RAB38: variants seen among roughly 807,000 people sequenced by gnomAD.
The protein encoded by RAB38 is RAB38, member RAS oncogene family, also known as ras-related protein Rab-38.
RAB38 carries 15 observed loss-of-function variants against 18.4 expected under a neutral mutation model. That is an observed-to-expected ratio of 0.82 (90% CI 0.55 to 1.26). The LOEUF (loss-of-function observed/expected upper bound fraction) is 1.26, where lower values mean the gene tolerates loss of function less well. Among genes scored for constraint, RAB38 ranks in the 50% most tolerant of loss-of-function variants. RAB38 has a pLI of 0.00. For missense variants in RAB38, 294 were observed against 267.4 expected (o/e 1.10, Z -0.69); for synonymous variants, 101 against 104.4 (o/e 0.97, Z 0.20).
chr11:88,170,605 C>G (rs1416776434), intron 1 of RAB38, among the ~76,000 whole-genome samples: 1 of 152,164 alleles, frequency 6.6e-6, no homozygotes, highest in Non-Finnish European at 1.5e-5. Context: ...GCCTGGGCTG[C>G]CTTCATCCTG....
the RAB38 span, among the ~76,000 whole-genome samples, chr11:87,952,652 A>T: frequency 6.6e-6 from 1 of 152,196 alleles, no homozygotes. Flanking sequence ...AGGGTTCAGT[A>T]CTATGCATGG....
chr11:87,864,416 TAGC>T, the RAB38 span, among the ~76,000 whole-genome samples: 1 of 151,430 alleles, frequency 6.6e-6, no homozygotes, highest in Non-Finnish European at 1.5e-5. Context: ...CTAATATTAT[TAGC>T]AGTAGTAGTA....
the RAB38 span, among the ~76,000 whole-genome samples, chr11:87,966,028 A>G: frequency 6.6e-6 from 1 of 152,150 alleles, no homozygotes; most frequent in Non-Finnish European, 1.5e-5. Flanking sequence ...ATGGATAGAC[A>G]TCAAGCCCAG....
the RAB38 span, among the ~76,000 whole-genome samples, chr11:87,902,647 A>C: frequency 6.6e-6 from 1 of 151,456 alleles, no homozygotes; most frequent in African/African-American, 2.4e-5. Context: ...CTAAATTATG[A>C]ATGCAGCGTA....
chr11:87,966,709 A>T, the RAB38 span, among the ~76,000 whole-genome samples: 1 of 152,052 alleles, frequency 6.6e-6, no homozygotes, highest in Non-Finnish European at 1.5e-5. Flanking sequence ...CCTTTTCTCC[A>T]TTTTTCCTCC....
At chr11:87,838,528 T>C in the RAB38 span, among the ~76,000 whole-genome samples, 1 of 152,198 alleles carries the variant, frequency 6.6e-6, no homozygotes, top group Non-Finnish European at 1.5e-5. Context: ...TGAGGTGGTT[T>C]TGTGAGATCT....
At chr11:87,961,657 G>A in the RAB38 span, among the ~76,000 whole-genome samples, 2 of 152,104 alleles carry the variant, frequency 1.3e-5, no homozygotes, top group Non-Finnish European at 2.9e-5. Flanking sequence ...AAGAGGAATG[G>A]TTCTGTACCC....
At chr11:88,118,061 T>C (rs1186050023) in intron 2 of RAB38, among the ~76,000 whole-genome samples, 1 of 152,130 alleles carries the variant, frequency 6.6e-6, no homozygotes, top group Non-Finnish European at 1.5e-5. Flanking sequence ...TAAATACTAA[T>C]ATTTACCACA....
At chr11:87,941,426 G>A in the RAB38 span, among the ~76,000 whole-genome samples, 1 of 151,188 alleles carries the variant, frequency 6.6e-6, no homozygotes, top group Non-Finnish European at 1.5e-5. Flanking sequence ...AGGAAATGTT[G>A]AGTTGAGTTT....
the RAB38 span, among the ~76,000 whole-genome samples, chr11:87,850,054 A>G: frequency 6.6e-6 from 1 of 152,130 alleles, no homozygotes. Flanking sequence ...CACTATAAGT[A>G]CACATACTCT....
At chr11:87,865,118 G>A in the RAB38 span, among the ~76,000 whole-genome samples, 1 of 151,684 alleles carries the variant, frequency 6.6e-6, no homozygotes, top group African/African-American at 2.4e-5. Context: ...GGGAAGGATG[G>A]AGGAAATGGG....
At chr11:87,956,297 T>A in the RAB38 span, among the ~76,000 whole-genome samples, 2 of 152,216 alleles carry the variant, frequency 1.3e-5, no homozygotes, top group Non-Finnish European at 2.9e-5. Flanking sequence ...TTGTAGCTAT[T>A]GTTCTTATTA....
At chr11:88,018,280 A>G in the RAB38 span, among the ~76,000 whole-genome samples, 1 of 152,114 alleles carries the variant, frequency 6.6e-6, no homozygotes, top group Non-Finnish European at 1.5e-5. Context: ...GTCAACTCTT[A>G]AATTTAGTAC....
chr11:88,139,524 C>T (rs577476328), intron 2 of RAB38, among the ~76,000 whole-genome samples: 1 of 152,158 alleles, frequency 6.6e-6, no homozygotes, highest in South Asian at 2.1e-4. Context: ...GAAACTGTGC[C>T]CTCTATTATC....
At chr11:87,839,523 CTTCT>C in the RAB38 span, among the ~76,000 whole-genome samples, 7 of 152,284 alleles carry the variant, frequency 4.6e-5, no homozygotes, top group East Asian at 1.4e-3. Context: ...TCAAGCTGTG[CTTCT>C]TTAATTACAG....
the RAB38 span, among the ~76,000 whole-genome samples, chr11:87,861,477 C>T: frequency 0.068 from 10,313 of 151,906 alleles, 473 homozygotes; most frequent in Middle Eastern, 0.11. Flanking sequence ...AAAGCAATGG[C>T]TACCAACAGG....
chr11:88,026,126 G>C, the RAB38 span, among the ~76,000 whole-genome samples: 2 of 151,728 alleles, frequency 1.3e-5, no homozygotes, highest in Non-Finnish European at 1.5e-5. Flanking sequence ...CACCACGTCT[G>C]GCTAATTTTT....
intron 2 of RAB38, among the ~76,000 whole-genome samples, chr11:88,128,048 A>G (rs1942725099): frequency 6.6e-6 from 1 of 152,218 alleles, no homozygotes; most frequent in African/African-American, 2.4e-5. Context: ...TTCAAATTTA[A>G]AAAGCACAAA....
the RAB38 span, among the ~76,000 whole-genome samples, chr11:88,092,403 A>AGG: frequency 2.1e-5 from 1 of 47,000 alleles, no homozygotes; most frequent in Non-Finnish European, 4.2e-5. Context: ...AGAGAGAGAG[A>AGG]GAGAGAGAGA....
Sources: gnomAD v4.1 joint callset for allele counts (sites outside exome capture counted in the v4.1 genomes callset) on GRCh38, gnomAD v4.1.1 for gene constraint, MANE v1.5 for transcripts, NCBI Gene and HGNC (gene_info 2026-07-23, HGNC 2026-07-21) for gene names.